Variants in HERC2 observed in about 807,000 individuals in gnomAD.
The protein encoded by HERC2 is E3 ubiquitin-protein ligase HERC2.
In HERC2, 102 loss-of-function variants were observed where a neutral mutation model predicts 537.7. The ratio of observed to expected loss-of-function variants is 0.19; its 90% CI spans 0.16 to 0.22. The LOEUF (loss-of-function observed/expected upper bound fraction) is 0.22, where lower values mean the gene tolerates loss of function less well. Among genes scored for constraint, HERC2 ranks in the 10% least tolerant of loss-of-function variants. The pLI is 1.00. For synonymous variants in HERC2, 2,224 were observed against 2,466.2 expected (o/e 0.90, Z 2.91); for missense variants, 4,236 against 6,198.2 (o/e 0.68, Z 10.63).
In HERC2 at chr15:28,265,629, A is replaced by G; in HGVS notation, c.1859T>C (p.Val620Ala). Reference protein sequence around the residue: ...CGSGDAQTLAVTENGQVWSWG... With the variant: ...CGSGDAQTLAATENGQVWSWG... ...AGAGCTCTACGTACCGTTCTCAGTG[A>G]CAGCCAGGGTTTGAGCATCCCCACT... The change falls in exon 14 of 93, where the codon GTC becomes GCC. Residue 620 changes from valine to alanine, a missense_variant. Physicochemically the swap from Val to Ala is moderately conservative, Grantham distance 64. This residue lies in a region of HERC2 where 754 missense variants were observed against 1,085.0 expected (regional missense o/e 0.69). Transcript: ENST00000261609. The surrounding 1 kb of genome is among the most constrained non-coding windows in gnomAD (Gnocchi z 4.0). 6.2e-7 allele frequency: 1 copy of G among 1,613,936 alleles called. No homozygotes were observed. The highest frequency in any genetic ancestry group is 8.5e-7 in the Non-Finnish European group (1 of 1,179,928).
chr15:28,256,468 T>C (rs2075264832), intron 17 of HERC2, 151 bp from the exon 18 acceptor site: 4 of 661,578 alleles, frequency 6.0e-6, no homozygotes, highest in South Asian at 4.0e-5. Context: ...CTAAAAAAAC[T>C]CTTACCCACA....
chr15:28,125,208 T>C lies in HERC2; in HGVS notation c.12803-15A>G. On this transcript the variant is annotated splice_polypyrimidine_tract_variant and intron_variant, in intron 83 of 92. Coordinates refer to ENST00000261609, the MANE Select transcript of HERC2 (RefSeq NM_004667.6). ...ATAAACCTCACCTGAATGAAGTGAA[T>C]TTAGAATCAGAACCTGTATACTAGG... is the stretch of plus-strand genomic sequence containing the variant. The C allele has an allele frequency of 6.3e-7, 1 of 1,596,422 alleles. No individual in the cohort carries two copies. Among genetic ancestry groups the C allele is most frequent in the Non-Finnish European group, 8.6e-7 (1 of 1,164,818 alleles).
At chr15:28,115,035 G>A (rs906845171) in intron 89 of HERC2, among the ~76,000 whole-genome samples, 10 of 151,912 alleles carry the variant, frequency 6.6e-5, no homozygotes, top group African/African-American at 2.4e-4. Context: ...ACTAACCACC[G>A]AGAAAGTTAC....
At chr15:28,112,916 C>G (rs192466492) in intron 92 of HERC2, among the ~76,000 whole-genome samples, 155 bp downstream of exon 92, 3 of 152,150 alleles carry the variant, frequency 2.0e-5, no homozygotes, top group African/African-American at 7.2e-5. Context: ...ACATTTTGAG[C>G]CTTCACATCA....
intron 4 of HERC2, among the ~76,000 whole-genome samples, chr15:28,286,726 A>T (rs2076167586): frequency 6.6e-6 from 1 of 152,246 alleles, no homozygotes; most frequent in Non-Finnish European, 1.5e-5. Context: ...AGAATGATTT[A>T]GATAGTTACT....
Position 28,113,606 on chromosome 15 carries a change from G to C in HERC2, c.13986C>G (p.Leu4662=), listed in dbSNP as rs1181830971. 1 of 1,614,230 alleles carries C rather than the reference G, an allele frequency of 6.2e-7. No individual in the cohort carries two copies. Among genetic ancestry groups the C allele is most frequent in the Non-Finnish European group, 8.5e-7 (1 of 1,180,030 alleles). Residue 4662 remains leucine, a synonymous_variant, in exon 91 of 93, where the codon CTC becomes CTG. Coordinates refer to ENST00000261609, the MANE Select transcript of HERC2 (RefSeq NM_004667.6). This position sits in a 1 kb window ranked among gnomAD's most constrained non-coding sequence, Gnocchi z 7.0. ...CCAGTTCGTAGCCGGTGAACAGAGA[G>C]AGGAGGGGAACAGGCACAACGCGGG... The part of the protein sequence containing the change: ...GMARVVPVPL[L]SLFTGYELET...
chr15:28,246,834 A>G lies in HERC2; in HGVS notation c.3299T>C (p.Ile1100Thr), dbSNP rs917188871. ...GGCGGCCACAGGCAGTATATCTCCAATGTGCGTGCACAGGAGGGCTGTGTA... is the reference window on the plus strand; with the variant it reads ...GGCGGCCACAGGCAGTATATCTCCAGTGTGCGTGCACAGGAGGGCTGTGTA... ...KKYTALLCTH[I>T]GDILPVAASI... Residue 1100 changes from isoleucine to threonine, a missense_variant, in exon 22 of 93, where the codon ATT becomes ACT. Ile to Thr is a moderately conservative substitution (Grantham distance 89). This residue lies in a region of HERC2 where 754 missense variants were observed against 1,085.0 expected (regional missense o/e 0.69). Transcript: ENST00000261609. 6.2e-7 allele frequency: 1 copy of G among 1,611,896 alleles called. No homozygotes were observed. Among genetic ancestry groups the G allele is most frequent in the Non-Finnish European group, 8.5e-7 (1 of 1,179,126 alleles).
At chr15:28,295,314 G>T (rs1456801197) in intron 3 of HERC2, among the ~76,000 whole-genome samples, 4 of 137,832 alleles carry the variant, frequency 2.9e-5, no homozygotes, top group Non-Finnish European at 6.4e-5. Flanking sequence ...TGTGTGGGGG[G>T]GGGGGAGTGG....
At chr15:28,252,767 A>G (rs1444663006) in intron 20 of HERC2, among the ~76,000 whole-genome samples, 4 of 152,246 alleles carry the variant, frequency 2.6e-5, no homozygotes, top group African/African-American at 9.6e-5. Context: ...CAAAACAAAC[A>G]TCAGAAAAAG....
chr15:28,248,636 A>G lies in HERC2; in HGVS notation c.3151T>C (p.Leu1051=), dbSNP rs755785625. 4.3e-6 allele frequency: 7 copies of G among 1,613,926 alleles called. No homozygotes were observed. The highest frequency in any genetic ancestry group is 4.5e-5 in the East Asian group (2 of 44,900). The change falls in exon 21 of 93, where the codon TTG becomes CTG. Residue 1051 remains leucine (L), a synonymous_variant. Coordinates refer to ENST00000261609, the MANE Select transcript of HERC2 (RefSeq NM_004667.6). ...EQHSRERSAS[L]DLLLRFQRLL... ...CGTTGAAAACGCAGTAACAAATCCAATGAAGCAGATCTTTCACGACTGTGT... is the reference window on the plus strand; with the variant it reads ...CGTTGAAAACGCAGTAACAAATCCAGTGAAGCAGATCTTTCACGACTGTGT...
chr15:28,296,671 G>C (rs1193896902), intron 3 of HERC2, among the ~76,000 whole-genome samples: 2 of 125,666 alleles, frequency 1.6e-5, no homozygotes, highest in African/African-American at 6.2e-5. Flanking sequence ...AAAATATACA[G>C]AATGAATTAC....
chr15:28,279,587 A>C (rs2075967002), intron 5 of HERC2, among the ~76,000 whole-genome samples: 1 of 149,884 alleles, frequency 6.7e-6, no homozygotes, highest in South Asian at 2.1e-4. Context: ...CAGGAAGATT[A>C]CTTGAGGCCA....
intron 31 of HERC2, 101 bp downstream of exon 31, chr15:28,230,266 G>A (rs1901687390): frequency 1.1e-5 from 13 of 1,191,648 alleles, no homozygotes; most frequent in Admixed American, 8.4e-5. Flanking sequence ...TCTAACAACC[G>A]CCCGTCCCTC....
Position 28,309,451 on chromosome 15 carries a change from T to C in HERC2, c.73-9935A>G, listed in dbSNP as rs150336362. Among the ~76,000 whole-genome samples the C allele has an allele frequency of 7.9e-5, 12 of 152,308 alleles. No homozygotes were observed. In the South Asian group the frequency reaches 1.9e-3, roughly 24 times the overall value. ...TGGTCTCCTTTTATAGTTTTGGTCTTGAAATCTATTTGGTCTGATATAACC... is the reference window on the plus strand; with the variant it reads ...TGGTCTCCTTTTATAGTTTTGGTCTCGAAATCTATTTGGTCTGATATAACC... On this transcript the variant is annotated intron_variant, in intron 2 of 92. Coordinates refer to ENST00000261609, the MANE Select transcript of HERC2 (RefSeq NM_004667.6).
chr15:28,320,867 TTAA>T (rs201047588), intron 2 of HERC2, among the ~76,000 whole-genome samples: 1,919 of 151,980 alleles, frequency 0.013, 13 homozygotes, highest in African/African-American at 0.044. Context: ...AGCACTCCTC[TTAA>T]TAAGGAGTTA....
At position 28,115,517 on chromosome 15, in the gene HERC2, C is replaced by T; in HGVS notation, c.13634G>A (p.Arg4545Gln). The change falls in exon 89 of 93, where the codon CGA (arginine) becomes CAA (glutamine). Residue 4545 changes from arginine (R) to glutamine (Q), a missense_variant. Arg to Gln is a conservative substitution (Grantham distance 43, BLOSUM62 1). Coordinates refer to ENST00000261609, the MANE Select transcript of HERC2 (RefSeq NM_004667.6). ...GTTGAGGCTCAGGGGACTCCCGGTT[C>T]GGATGGCAATGCCCAGCAACACACC... ...FLGVLLGIAI[R>Q]TGSPLSLNLA... The T allele has an allele frequency of 6.2e-7, 1 of 1,613,906 alleles. No individual in the cohort carries two copies. The highest frequency in any genetic ancestry group is 8.5e-7 in the Non-Finnish European group (1 of 1,179,918).
chr15:28,281,319 A>G (rs1275637373), intron 4 of HERC2, among the ~76,000 whole-genome samples: 1 of 152,146 alleles, frequency 6.6e-6, no homozygotes, highest in Non-Finnish European at 1.5e-5. Flanking sequence ...AGATCATTAT[A>G]AGGGAATTGT....
intron 88 of HERC2, 36 bp from the exon 89 acceptor site, chr15:28,115,577 C>A: frequency 6.6e-7 from 1 of 1,509,014 alleles, no homozygotes; most frequent in African/African-American, 1.4e-5. Flanking sequence ...GAGGACACTT[C>A]AAAAGGATGA....
At chr15:28,317,748 T>C (rs1391160145) in intron 2 of HERC2, among the ~76,000 whole-genome samples, 1 of 152,212 alleles carries the variant, frequency 6.6e-6, no homozygotes, top group Non-Finnish European at 1.5e-5. Context: ...CTTGATAGAA[T>C]GGCACAGAAC....
Sources: allele counts gnomAD v4.1 joint callset (sites outside exome capture counted in the v4.1 genomes callset), GRCh38; gene constraint gnomAD v4.1.1; regional missense constraint gnomAD v4.1.1; non-coding constraint Gnocchi (gnomAD v3.1); transcripts MANE v1.5; gene names NCBI Gene and HGNC (gene_info 2026-07-23, HGNC 2026-07-21).